CFAP43: variants seen among roughly 807,000 people sequenced by gnomAD.
CFAP43 encodes the protein cilia- and flagella-associated protein 43.
In CFAP43, 155 loss-of-function variants were observed where a neutral mutation model predicts 218.9. The ratio of observed to expected loss-of-function variants is 0.71; its 90% CI spans 0.62 to 0.81. The LOEUF (loss-of-function observed/expected upper bound fraction) is 0.81. Among genes scored for constraint, CFAP43 ranks in the 30% least tolerant of loss-of-function variants. CFAP43 has a pLI of 0.00. For missense variants in CFAP43, 1,778 were observed against 1,954.3 expected (o/e 0.91, Z 1.70); for synonymous variants, 645 against 681.3 (o/e 0.95, Z 0.83).
chr10:104,151,292 T>G (rs2088244060), intron 28 of CFAP43, among the ~76,000 whole-genome samples: 1 of 152,236 alleles, frequency 6.6e-6, no homozygotes, highest in South Asian at 2.1e-4. Flanking sequence ...ATGGTAGTTC[T>G]GTTTTTAGCT....
chr10:104,164,638 T>A lies in CFAP43; in HGVS notation c.3040-338A>T, dbSNP rs564610797. On this transcript the variant is annotated intron_variant, in intron 23 of 37. Coordinates refer to ENST00000357060, the MANE Select transcript of CFAP43 (RefSeq NM_025145.7). ...TGGTCTTGATCTCCTGACCTTGTGA[T>A]CCACCTGCCTCGGCCTCCCAAAGTG... Among the ~76,000 whole-genome samples the A allele has an allele frequency of 3.9e-5, 6 of 152,294 alleles. No individual in the cohort carries two copies. The South Asian group carries it at 8.3e-4, about 21-fold the overall frequency.
At chr10:104,160,745 G>C (rs973616872) in intron 27 of CFAP43, among the ~76,000 whole-genome samples, 4 of 152,050 alleles carry the variant, frequency 2.6e-5, no homozygotes, top group Admixed American at 6.6e-5. Flanking sequence ...TTGTATTAGG[G>C]GTTCATTGAA....
Position 104,167,752 on chromosome 10 carries a change from C to T in CFAP43, c.2692-15G>A, listed in dbSNP as rs377571242. 1.8e-5 allele frequency: 28 copies of T among 1,577,570 alleles called. No individual in the cohort carries two copies. Among genetic ancestry groups the T allele is most frequent in the African/African-American group, 8.2e-5 (6 of 73,572 alleles). On this transcript the variant is annotated splice_polypyrimidine_tract_variant and intron_variant, in intron 21 of 37. Transcript: ENST00000357060. ...ATATGAAAACACTTGGGGAAAAAAA[C>T]GCAAGACAAAATAAATCCATTTGTA...
At chr10:104,165,056 A>G (rs1429691899) in intron 23 of CFAP43, among the ~76,000 whole-genome samples, 6 of 152,238 alleles carry the variant, frequency 3.9e-5, no homozygotes, top group Non-Finnish European at 7.3e-5. Context: ...GTTTGTAGAA[A>G]GTATTTGGAG....
rs2089105464 is a variant in CFAP43 at position 104,165,480 on chromosome 10, A to C, written c.3039+1008T>G. 2.6e-5 allele frequency among the ~76,000 whole-genome samples: 4 copies of C among 152,332 alleles called. 1 individual carries two copies. The South Asian group carries it at 8.3e-4, about 32-fold the overall frequency. ...AATGAACAGAAATTTCAGGGGCTAG[A>C]GCATAAAAAGAAGAGGATAGGAAGA... On this transcript the variant is annotated intron_variant, in intron 23 of 37. Coordinates refer to ENST00000357060, the MANE Select transcript of CFAP43 (RefSeq NM_025145.7).
chr10:104,174,017 AAAAT>A (rs1374131834), intron 19 of CFAP43, among the ~76,000 whole-genome samples: 1 of 152,214 alleles, frequency 6.6e-6, no homozygotes, highest in Non-Finnish European at 1.5e-5. Context: ...TAAGACTAGA[AAAAT>A]AAATGAAGTA....
intron 17 of CFAP43, 131 bp from the exon 18 acceptor site, chr10:104,180,063 C>A (rs1345538341): frequency 4.3e-6 from 3 of 704,068 alleles, no homozygotes; most frequent in Non-Finnish European, 7.3e-6. Flanking sequence ...TAATCTCCAA[C>A]ATTTTGTCTG....
chr10:104,164,378 C>T (rs2134821860), intron 23 of CFAP43, 78 bp from the exon 24 acceptor site: 1 of 1,186,438 alleles, frequency 8.4e-7, no homozygotes, highest in South Asian at 1.5e-5. Context: ...ATTATACTTT[C>T]CCTCTAAAAT....
rs894338169 is a variant in CFAP43, at chr10:104,207,905, A to G, written c.736-81T>C. 308 of 1,408,304 alleles carry G rather than the reference A, an allele frequency of 2.2e-4. 2 individuals are homozygous for G. Among genetic ancestry groups the G allele is most frequent in the Non-Finnish European group, 2.8e-4 (294 of 1,038,944 alleles). The allele number at this position is 1,408,304 out of a possible 1,614,324, so 87.2% of individuals were successfully genotyped here. On this transcript the variant is annotated intron_variant, in intron 5 of 37. Coordinates refer to ENST00000357060, the MANE Select transcript of CFAP43 (RefSeq NM_025145.7). ...AGAAATACTCACCAGAACAACTGAC[A>G]AAAAGGAACCATACTTAACCCCATA...
At chr10:104,139,552 C>A (rs2087608764) in intron 34 of CFAP43, among the ~76,000 whole-genome samples, 1 of 151,844 alleles carries the variant, frequency 6.6e-6, no homozygotes, top group African/African-American at 2.4e-5. Flanking sequence ...TCTAGATGTT[C>A]AGAAGAAAAT....
intron 17 of CFAP43, 36 bp downstream of exon 17, chr10:104,182,330 A>G (rs1172280369): frequency 4.7e-6 from 7 of 1,499,652 alleles, no homozygotes; most frequent in Non-Finnish European, 3.5e-6. Context: ...AAAGAAAGAA[A>G]TGTAAGCAAG....
chr10:104,132,431 G>C (rs182798527), intron 35 of CFAP43, among the ~76,000 whole-genome samples: 109 of 152,132 alleles, frequency 7.2e-4, no homozygotes, highest in African/African-American at 2.4e-3. Context: ...GACTAACATG[G>C]TAAAACCTTG....
intron 12 of CFAP43, among the ~76,000 whole-genome samples, chr10:104,191,789 T>A (rs1830933): frequency 2.7e-5 from 4 of 145,878 alleles, no homozygotes; most frequent in Non-Finnish European, 6.1e-5. Context: ...ATTGTGTGTG[T>A]GGGGGGGGGG....
At chr10:104,227,108 A>C (rs943263426) in intron 2 of CFAP43, among the ~76,000 whole-genome samples, 1 of 151,952 alleles carries the variant, frequency 6.6e-6, no homozygotes, top group Non-Finnish European at 1.5e-5. Context: ...CGTTATATTG[A>C]CCATTTTATC....
At chr10:104,198,447 A>T (rs1366817193) in intron 8 of CFAP43, among the ~76,000 whole-genome samples, 1 of 151,138 alleles carries the variant, frequency 6.6e-6, no homozygotes, top group Non-Finnish European at 1.5e-5. Flanking sequence ...ACGCCCGGCT[A>T]ATTTTGTATT....
intron 14 of CFAP43, among the ~76,000 whole-genome samples, chr10:104,186,962 C>T (rs2090050353): frequency 6.6e-6 from 1 of 152,172 alleles, no homozygotes; most frequent in Admixed American, 6.6e-5. Flanking sequence ...TTGGTTATGG[C>T]TTAGATGCAA....
chr10:104,157,771 TGTGTGAGAGAGAGAGAGA>T (rs879541241), intron 27 of CFAP43, among the ~76,000 whole-genome samples: 455 of 106,020 alleles, frequency 4.3e-3, no homozygotes, highest in Non-Finnish European at 6.9e-3. Context: ...TGTGTGTGTG[TGTGTGAGAGAGAGAGAGA>T]GAGAGAGAGA....
chr10:104,207,568 G>T (rs2090731046), intron 6 of CFAP43, 97 bp downstream of exon 6: 5 of 1,158,424 alleles, frequency 4.3e-6, no homozygotes, highest in Non-Finnish European at 4.9e-6. Flanking sequence ...AGAAGAAGGA[G>T]GATTCAAAGA....
chr10:104,204,459 T>C (rs2090622470), intron 7 of CFAP43, among the ~76,000 whole-genome samples: 1 of 152,244 alleles, frequency 6.6e-6, no homozygotes, highest in Non-Finnish European at 1.5e-5. Flanking sequence ...CTGTTATAAC[T>C]AAGCATGGGG....
Sources: gnomAD v4.1 joint callset for allele counts (sites outside exome capture counted in the v4.1 genomes callset) on GRCh38, gnomAD v4.1.1 for gene constraint, MANE v1.5 for transcripts, NCBI Gene and HGNC (gene_info 2026-07-23, HGNC 2026-07-21) for gene names.